Variants in PPME1 observed in about 807,000 individuals in gnomAD.
PPME1 encodes the protein testicular secretory protein Li 39.
PPME1 carries 17 observed loss-of-function variants against 56.9 expected under a neutral mutation model. The ratio of observed to expected loss-of-function variants is 0.30; its 90% CI spans 0.20 to 0.45. PPME1 has a LOEUF of 0.45. Among genes scored for constraint, PPME1 ranks in the 20% least tolerant of loss-of-function variants. The pLI, the probability that PPME1 is intolerant of heterozygous loss-of-function variation, is 1.00. For missense variants in PPME1, 357 were observed against 483.2 expected, an observed-to-expected ratio of 0.74 and a Z score of 2.45; for synonymous variants, 122 against 156.2, an observed-to-expected ratio of 0.78 and a Z score of 1.63.
At chr11:74,251,612 C>A (rs1468752651) in intron 12 of PPME1, 36 bp from the exon 13 acceptor site, 11 of 1,606,980 alleles carry the variant, frequency 6.8e-6, no homozygotes, top group Non-Finnish European at 9.3e-6. Flanking sequence ...CCATCACTAA[C>A]CTTTATATGG....
chr11:74,202,011 A>G (rs1271189013), intron 1 of PPME1, among the ~76,000 whole-genome samples: 1 of 152,196 alleles, frequency 6.6e-6, no homozygotes, highest in Non-Finnish European at 1.5e-5. Flanking sequence ...TGTCATTTTT[A>G]TTTCAGAAGA....
intron 3 of PPME1, among the ~76,000 whole-genome samples, chr11:74,214,574 G>A (rs921075365): frequency 1.3e-5 from 2 of 151,498 alleles, no homozygotes; most frequent in African/African-American, 4.9e-5. Flanking sequence ...AAAGCAGAAA[G>A]AGAAAAGAAA....
rs998427246 is a variant in PPME1, at chr11:74,254,164, C to T, written c.*654C>T. 1 of 153,298 alleles carries T rather than the reference C, an allele frequency of 6.5e-6. No individual in the cohort carries two copies. The highest frequency in any genetic ancestry group is 1.5e-5 in the Non-Finnish European group (1 of 68,580). The allele number at this position is 153,298 out of a possible 1,614,324, so 9.5% of individuals were successfully genotyped here. ...TCTGGGAGAGCCCACTGTCCCACTCCCACATGTCTGGGCACCTGCCCTGGG... is the reference window on the plus strand; with the variant it reads ...TCTGGGAGAGCCCACTGTCCCACTCTCACATGTCTGGGCACCTGCCCTGGG... On this transcript the variant is annotated 3_prime_UTR_variant, in exon 14 of 14. Transcript: ENST00000328257.
intron 9 of PPME1, among the ~76,000 whole-genome samples, chr11:74,242,411 G>A (rs886524452): frequency 5.3e-5 from 8 of 152,182 alleles, no homozygotes; most frequent in Non-Finnish European, 8.8e-5. Context: ...CAGACAGTGT[G>A]TAAGTCCTCC....
chr11:74,251,762 C>A, intron 13 of PPME1, 47 bp downstream of exon 13: 1 of 1,602,554 alleles, frequency 6.2e-7, no homozygotes, highest in South Asian at 1.1e-5. Flanking sequence ...CTGGCCGAAT[C>A]TGACAAGCAG....
At chr11:74,204,948 T>G (rs1395335928) in intron 3 of PPME1, 1 of 152,678 alleles carries the variant, frequency 6.5e-6, no homozygotes. Context: ...CCCTGAGTGC[T>G]TTTTCTCTCT....
intron 1 of PPME1, among the ~76,000 whole-genome samples, chr11:74,196,723 C>G (rs1857991971): frequency 6.6e-6 from 1 of 152,140 alleles, no homozygotes; most frequent in Non-Finnish European, 1.5e-5. Context: ...CATATCCACT[C>G]TAAGTATAAT....
intron 3 of PPME1, among the ~76,000 whole-genome samples, chr11:74,211,274 GTTAA>G (rs1192631466): frequency 6.6e-6 from 1 of 151,986 alleles, no homozygotes; most frequent in African/African-American, 2.4e-5. Context: ...TTTCATGAGA[GTTAA>G]TTAAACAAAC....
chr11:74,250,350 G>A (rs369419083), intron 11 of PPME1: 1 of 152,790 alleles, frequency 6.5e-6, no homozygotes, highest in African/African-American at 2.4e-5. Flanking sequence ...AAAGTGCTTA[G>A]TACAATGCCT....
intron 1 of PPME1, among the ~76,000 whole-genome samples, chr11:74,197,087 T>G (rs1858003054): frequency 6.6e-6 from 1 of 152,214 alleles, no homozygotes; most frequent in African/African-American, 2.4e-5. Context: ...TCTGGACTTT[T>G]GATTGTATTT....
At chr11:74,206,722 A>G (rs1858336936) in intron 3 of PPME1, among the ~76,000 whole-genome samples, 2 of 151,982 alleles carry the variant, frequency 1.3e-5, no homozygotes, top group Non-Finnish European at 2.9e-5. Context: ...GTGCACCACC[A>G]CTCCCAGCTA....
At chr11:74,215,441 G>GATT (rs1490554947) in intron 3 of PPME1, among the ~76,000 whole-genome samples, 16 of 152,174 alleles carry the variant, frequency 1.1e-4, no homozygotes, top group Non-Finnish European at 2.4e-4. Context: ...GTTTGTTTAT[G>GATT]AAATCAGTTT....
chr11:74,210,359 A>C (rs75732333), intron 3 of PPME1, among the ~76,000 whole-genome samples: 1 of 152,216 alleles, frequency 6.6e-6, no homozygotes, highest in South Asian at 2.1e-4. Flanking sequence ...AAACTAGAAA[A>C]TTGCATGAAT....
rs909720659 is a variant in PPME1 at position 74,246,559 on chromosome 11, C to T, written c.964+354C>T. 3.9e-5 allele frequency among the ~76,000 whole-genome samples: 6 copies of T among 152,280 alleles called. No homozygotes were observed. The East Asian group carries it at 9.7e-4, about 24-fold the overall frequency. On this transcript the variant is annotated intron_variant, in intron 10 of 13. Transcript: ENST00000328257. ...GTCACATTGGGAATTGGGGCTTCAA[C>T]ATGAGTTTTAGGGGGACACAACTCA...
chr11:74,229,055 T>C (rs980627940), intron 5 of PPME1, among the ~76,000 whole-genome samples: 2 of 152,182 alleles, frequency 1.3e-5, no homozygotes, highest in African/African-American at 2.4e-5. Flanking sequence ...CTATCTCCCA[T>C]TCAGATTGTC....
Position 74,253,870 on chromosome 11 carries a change from A to G in PPME1, c.*360A>G. 1 of 378,854 alleles carries G rather than the reference A, an allele frequency of 2.6e-6. No individual in the cohort carries two copies. 23.5% of individuals were successfully genotyped at this position (378,854 alleles called of 1,614,324 possible). ...TACATCTGAGTTCAAATGTCTTCCC[A>G]GGCTCAGGGACCTCCATTCCTTGAG... On this transcript the variant is annotated 3_prime_UTR_variant, in exon 14 of 14. Coordinates refer to ENST00000328257, the MANE Select transcript of PPME1 (RefSeq NM_016147.3).
chr11:74,202,597 A>G (rs754431883), intron 1 of PPME1, among the ~76,000 whole-genome samples: 13 of 152,202 alleles, frequency 8.5e-5, no homozygotes, highest in Non-Finnish European at 1.3e-4. Context: ...TGCTGCTGAT[A>G]GAATTCTGAA....
At chr11:74,233,342 A>G (rs1227218115) in intron 7 of PPME1, among the ~76,000 whole-genome samples, 2 of 152,170 alleles carry the variant, frequency 1.3e-5, no homozygotes, top group East Asian at 1.9e-4. Context: ...TTATTATACT[A>G]TGAGGTATTT....
At chr11:74,204,483 C>G in intron 3 of PPME1, 38 bp downstream of exon 3, 1 of 1,504,954 alleles carries the variant, frequency 6.6e-7, no homozygotes, top group Non-Finnish European at 9.2e-7. Flanking sequence ...AATGTTAGCA[C>G]TTTTGAACTA....
Sources: gnomAD v4.1 joint callset for allele counts (sites outside exome capture counted in the v4.1 genomes callset) on GRCh38, gnomAD v4.1.1 for gene constraint, MANE v1.5 for transcripts, NCBI Gene and HGNC (gene_info 2026-07-23, HGNC 2026-07-21) for gene names.